Variants in CDK14 observed in about 807,000 individuals in gnomAD.
The protein encoded by CDK14 is cyclin-dependent kinase 14.
A neutral mutation model predicts 60.7 loss-of-function variants in CDK14; 34 were observed. The ratio of observed to expected loss-of-function variants is 0.56; its 90% CI spans 0.43 to 0.75. CDK14 has a LOEUF of 0.75. Among genes scored for constraint, CDK14 ranks in the 30% least tolerant of loss-of-function variants. CDK14 has a pLI of 0.00. For synonymous variants in CDK14, 197 were observed against 203.7 expected (o/e 0.97, Z 0.28); for missense variants, 482 against 564.1 (o/e 0.85, Z 1.47).
At chr7:90,825,619 A>G (rs989885436) in intron 5 of CDK14, among the ~76,000 whole-genome samples, 1 of 152,182 alleles carries the variant, frequency 6.6e-6, no homozygotes, top group Non-Finnish European at 1.5e-5. Context: ...TTATTAGATA[A>G]TTTCTTTGTA....
rs1563010098 is a variant in CDK14 at position 90,596,678 on chromosome 7, G to A, written c.51G>A (p.Lys17=). The A allele has an allele frequency of 2.5e-6, 4 of 1,612,114 alleles. No individual in the cohort carries two copies. In the East Asian group the frequency reaches 6.7e-5, roughly 27 times the overall value. The part of the protein sequence containing the change: ...PQPAEKIGKM[K]KLRRTLSESF... ...CGGCCGAGAAGATCGGCAAGATGAA[G>A]AAGTTGCGGAGAACTTTGTCGGAGA... The change falls in exon 1 of 15, where the codon AAG becomes AAA. Residue 17 remains lysine, a synonymous_variant. Coordinates refer to ENST00000380050, the MANE Select transcript of CDK14 (RefSeq NM_001287135.2).
intron 2 of CDK14, among the ~76,000 whole-genome samples, chr7:90,704,904 A>C (rs917917202): frequency 1.3e-5 from 2 of 152,146 alleles, no homozygotes; most frequent in African/African-American, 4.8e-5. Context: ...TTAAGTCATA[A>C]AGTTTTTAGG....
intron 6 of CDK14, among the ~76,000 whole-genome samples, chr7:90,898,824 G>A (rs1016577275): frequency 6.6e-6 from 1 of 151,826 alleles, no homozygotes; most frequent in Non-Finnish European, 1.5e-5. Flanking sequence ...TATTTTTTCT[G>A]AATATGGACA....
chr7:90,724,565 G>A (rs942951137), intron 2 of CDK14, among the ~76,000 whole-genome samples: 4 of 151,372 alleles, frequency 2.6e-5, no homozygotes, highest in Non-Finnish European at 5.9e-5. Flanking sequence ...TAGTCATTTA[G>A]TGTTACAAAT....
intron 5 of CDK14, among the ~76,000 whole-genome samples, chr7:90,857,659 A>C (rs920612718): frequency 6.6e-6 from 1 of 152,226 alleles, no homozygotes; most frequent in African/African-American, 2.4e-5. Flanking sequence ...TCTTGTGTTT[A>C]TGATATTATT....
At chr7:90,961,613 T>G (rs749211099) in intron 9 of CDK14, among the ~76,000 whole-genome samples, 7 of 152,244 alleles carry the variant, frequency 4.6e-5, no homozygotes, top group Non-Finnish European at 1.0e-4. Flanking sequence ...AAGGAACATA[T>G]GAATTAGTTA....
chr7:91,156,871 A>C (rs1259063710), intron 14 of CDK14, among the ~76,000 whole-genome samples: 2 of 152,196 alleles, frequency 1.3e-5, no homozygotes, highest in Non-Finnish European at 2.9e-5. Flanking sequence ...TGCAAATAGC[A>C]CTTAAGGAAA....
chr7:90,939,883 T>G (rs1340788204), intron 8 of CDK14, among the ~76,000 whole-genome samples: 1 of 152,142 alleles, frequency 6.6e-6, no homozygotes, highest in African/African-American at 2.4e-5. Context: ...TTATTTCTGC[T>G]TGTTCCACCC....
intron 8 of CDK14, among the ~76,000 whole-genome samples, chr7:90,930,836 G>A (rs1481658607): frequency 1.3e-5 from 2 of 152,040 alleles, no homozygotes; most frequent in South Asian, 2.1e-4. Context: ...CCTCTTTAAT[G>A]TGAGAGCATT....
At chr7:91,040,639 A>C (rs1797062920) in intron 10 of CDK14, among the ~76,000 whole-genome samples, 1 of 152,358 alleles carries the variant, frequency 6.6e-6, no homozygotes, top group Admixed American at 6.5e-5. Flanking sequence ...GGTGCTTCCC[A>C]TATCATTTCA....
intron 5 of CDK14, among the ~76,000 whole-genome samples, chr7:90,810,114 A>G (rs1398405564): frequency 6.6e-6 from 1 of 152,218 alleles, no homozygotes; most frequent in Non-Finnish European, 1.5e-5. Flanking sequence ...TCCTTAACTC[A>G]TTTTATGAGG....
intron 2 of CDK14, among the ~76,000 whole-genome samples, chr7:90,686,825 T>A (rs1323306517): frequency 6.6e-6 from 1 of 152,170 alleles, no homozygotes; most frequent in African/African-American, 2.4e-5. Flanking sequence ...CTTTTTTTTG[T>A]CTTTGATGAA....
At chr7:90,835,061 C>G (rs62468468) in intron 5 of CDK14, among the ~76,000 whole-genome samples, 1 of 151,922 alleles carries the variant, frequency 6.6e-6, no homozygotes, top group East Asian at 1.9e-4. Flanking sequence ...GCAGGAGTGA[C>G]GGTGACTGAC....
At chr7:91,158,096 T>C (rs1801040686) in intron 14 of CDK14, among the ~76,000 whole-genome samples, 2 of 147,610 alleles carry the variant, frequency 1.4e-5, no homozygotes, top group Non-Finnish European at 3.0e-5. Context: ...ACATTAAATA[T>C]ATATAAATAT....
chr7:91,159,376 A>G (rs1405627148), intron 14 of CDK14, among the ~76,000 whole-genome samples: 1 of 152,238 alleles, frequency 6.6e-6, no homozygotes, highest in Non-Finnish European at 1.5e-5. Context: ...TTCTAAGATA[A>G]CACTTAATCA....
At chr7:90,830,683 C>G (rs1034712157) in intron 5 of CDK14, among the ~76,000 whole-genome samples, 1 of 152,200 alleles carries the variant, frequency 6.6e-6, no homozygotes, top group Non-Finnish European at 1.5e-5. Context: ...CTCTGCCTCC[C>G]TTTTAAACAT....
chr7:90,824,026 C>T (rs998134382), intron 5 of CDK14, among the ~76,000 whole-genome samples: 8 of 152,136 alleles, frequency 5.3e-5, no homozygotes, highest in African/African-American at 1.9e-4. Context: ...GTAAGTAGTA[C>T]AGAATCTTTC....
intron 10 of CDK14, among the ~76,000 whole-genome samples, chr7:91,043,929 T>G (rs1379279132): frequency 6.6e-6 from 1 of 152,138 alleles, no homozygotes; most frequent in East Asian, 1.9e-4. Flanking sequence ...CACTAGTAAA[T>G]AAATGCATGA....
At chr7:90,988,103 C>T (rs193051100) in intron 10 of CDK14, among the ~76,000 whole-genome samples, 3 of 152,170 alleles carry the variant, frequency 2.0e-5, no homozygotes, top group East Asian at 1.9e-4. Context: ...AAATAAAGAT[C>T]GGTTAGTAAA....
Sources: allele counts gnomAD v4.1 joint callset (sites outside exome capture counted in the v4.1 genomes callset), GRCh38; gene constraint gnomAD v4.1.1; transcripts MANE v1.5; gene names NCBI Gene and HGNC (gene_info 2026-07-23, HGNC 2026-07-21).